Variants in ELAVL1 observed in about 807,000 individuals in gnomAD.
ELAVL1 encodes the protein ELAV-like protein 1.
In ELAVL1, 1 loss-of-function variant was observed where a neutral mutation model predicts 28.4. That is an observed-to-expected ratio of 0.04 (90% CI 0.01 to 0.17). The LOEUF is 0.17. Ranked by LOEUF, ELAVL1 falls within the 10% of genes least tolerant of loss-of-function variation. The pLI, the probability that ELAVL1 is intolerant of heterozygous loss-of-function variation, is 1.00. For missense variants in ELAVL1, 157 were observed against 447.2 expected (o/e 0.35, Z 5.85); for synonymous variants, 174 against 183.5 (o/e 0.95, Z 0.42).
intron 1 of ELAVL1, among the ~76,000 whole-genome samples, chr19:7,997,070 G>T (rs2081052173): frequency 6.6e-6 from 1 of 152,162 alleles, no homozygotes; most frequent in Non-Finnish European, 1.5e-5. Context: ...GGAGAAGCCA[G>T]AATATTCATG....
At chr19:7,970,279 C>T (rs1985070899) in intron 4 of ELAVL1, among the ~76,000 whole-genome samples, 1 of 152,248 alleles carries the variant, frequency 6.6e-6, no homozygotes, top group Non-Finnish European at 1.5e-5. Flanking sequence ...CCTCAGCCTC[C>T]CCAGTAGCTG....
chr19:7,982,876 T>G lies in ELAVL1; in HGVS notation c.173-1690A>C, dbSNP rs1371864677. 1.3e-5 allele frequency among the ~76,000 whole-genome samples: 2 copies of G among 152,114 alleles called. No individual in the cohort carries two copies. Among genetic ancestry groups the G allele is most frequent in the Non-Finnish European group, 1.5e-5 (1 of 68,002 alleles). Reference sequence around the variant, plus strand: ...AGACTCTCGATTGGGTTTGCTGGAGTCTGTCACAGCTGGAGCGCCCTTCTC... The same window carrying G: ...AGACTCTCGATTGGGTTTGCTGGAGGCTGTCACAGCTGGAGCGCCCTTCTC... On this transcript the variant is annotated intron_variant, in intron 2 of 5. Transcript: ENST00000407627. The surrounding 1 kb of genome is among the most constrained non-coding windows in gnomAD (Gnocchi z 4.3).
intron 2 of ELAVL1, among the ~76,000 whole-genome samples, chr19:7,986,150 C>T (rs966676205): frequency 3.9e-5 from 6 of 152,212 alleles, no homozygotes; most frequent in African/African-American, 1.4e-4. Flanking sequence ...CTCCATGCTT[C>T]TTGCAGCTGG....
At chr19:7,974,799 C>T (rs1023596263) in intron 3 of ELAVL1, among the ~76,000 whole-genome samples, 18 of 152,166 alleles carry the variant, frequency 1.2e-4, no homozygotes, top group Non-Finnish European at 1.8e-4. Context: ...GAGACCAGAA[C>T]GCAGGGAGAA....
chr19:7,976,648 C>G (rs953924590), intron 3 of ELAVL1, among the ~76,000 whole-genome samples: 2 of 152,084 alleles, frequency 1.3e-5, no homozygotes, highest in African/African-American at 4.8e-5. Flanking sequence ...TGGTCTCGGG[C>G]TTCCAGCCTC....
chr19:7,973,229 CTTTT>C (rs758693392), intron 4 of ELAVL1: 43 of 139,636 alleles, frequency 3.1e-4, no homozygotes, highest in Non-Finnish European at 4.9e-4. Flanking sequence ...TAATCCCCAG[CTTTT>C]TTTTTTTTTT....
intron 2 of ELAVL1, among the ~76,000 whole-genome samples, chr19:7,991,027 G>A (rs1397465754): frequency 3.3e-5 from 5 of 152,224 alleles, no homozygotes; most frequent in African/African-American, 1.2e-4. Flanking sequence ...GGGACACAAA[G>A]GCTTAGAAGT....
chr19:8,003,174 G>C (rs2081074022), intron 1 of ELAVL1, among the ~76,000 whole-genome samples: 1 of 147,642 alleles, frequency 6.8e-6, no homozygotes, highest in Non-Finnish European at 1.5e-5. Context: ...GATCACCTGA[G>C]GTCAGGAGTT....
At chr19:7,998,629 C>T (rs1023523195) in intron 1 of ELAVL1, among the ~76,000 whole-genome samples, 2 of 152,132 alleles carry the variant, frequency 1.3e-5, no homozygotes, top group African/African-American at 4.8e-5. Flanking sequence ...TCCTTCACTT[C>T]CCAGCTCATT....
At chr19:8,000,034 C>T (rs1036008413) in intron 1 of ELAVL1, among the ~76,000 whole-genome samples, 3 of 152,202 alleles carry the variant, frequency 2.0e-5, no homozygotes, top group Non-Finnish European at 4.4e-5. Flanking sequence ...GCCTTGGCCT[C>T]CCAAAGTGCT....
intron 2 of ELAVL1, among the ~76,000 whole-genome samples, chr19:7,985,830 C>G (rs1985587403): frequency 6.6e-6 from 1 of 152,202 alleles, no homozygotes; most frequent in South Asian, 2.1e-4. Context: ...TCACTTCCCT[C>G]AACTGGAGGA....
chr19:7,996,727 C>T (rs1194512984), intron 1 of ELAVL1, among the ~76,000 whole-genome samples: 2 of 152,030 alleles, frequency 1.3e-5, no homozygotes, highest in African/African-American at 2.4e-5. Flanking sequence ...GCAGGAGAAT[C>T]GCTTGAACCT....
intron 3 of ELAVL1, among the ~76,000 whole-genome samples, chr19:7,980,177 G>A (rs74914816): frequency 2.6e-5 from 4 of 152,282 alleles, no homozygotes; most frequent in South Asian, 2.1e-4. Context: ...AAGCCCTTAC[G>A]TCTGTGGGTA....
At chr19:7,965,356 G>C (rs150879639) in intron 5 of ELAVL1, among the ~76,000 whole-genome samples, 1 of 152,216 alleles carries the variant, frequency 6.6e-6, no homozygotes. Flanking sequence ...GATTACAGGC[G>C]TGAGTCAATG....
Position 7,959,652 on chromosome 19 carries a change from A to G in ELAVL1, c.*3831T>C, listed in dbSNP as rs1328685859. 1 of 152,226 alleles carries G rather than the reference A, an allele frequency of 6.6e-6. No individual in the cohort carries two copies. Among genetic ancestry groups the G allele is most frequent in the Admixed American group, 6.5e-5 (1 of 15,290 alleles). 9.4% of individuals were successfully genotyped at this position (152,226 alleles called of 1,614,324 possible). A position where few individuals can be genotyped will look rare whatever the true frequency, so the allele number is the denominator to read the frequency against. ...CCATTAGAGGTCAGGGGAAATCAAA[A>G]AGGTTTGGAAATGTGAACCCTGCCT... On this transcript the variant is annotated 3_prime_UTR_variant, in exon 6 of 6. Transcript: ENST00000407627.
intron 2 of ELAVL1, among the ~76,000 whole-genome samples, chr19:7,985,277 C>T (rs1349161479): frequency 6.6e-6 from 1 of 152,192 alleles, no homozygotes; most frequent in Non-Finnish European, 1.5e-5. Flanking sequence ...CATGGGGCTT[C>T]CCATGGTTAT....
At chr19:7,973,469 A>T in intron 4 of ELAVL1, 1 of 514,180 alleles carries the variant, frequency 1.9e-6, no homozygotes, top group South Asian at 3.3e-5. Flanking sequence ...TGACCTCGTG[A>T]TCCACCCACC....
At chr19:8,000,230 G>A (rs1268930506) in intron 1 of ELAVL1, among the ~76,000 whole-genome samples, 1 of 152,208 alleles carries the variant, frequency 6.6e-6, no homozygotes, top group Non-Finnish European at 1.5e-5. Flanking sequence ...TGGCCTCTGG[G>A]AGAAGTCTTG....
At chr19:7,984,142 A>C (rs1985538753) in intron 2 of ELAVL1, among the ~76,000 whole-genome samples, 1 of 152,070 alleles carries the variant, frequency 6.6e-6, no homozygotes, top group Admixed American at 6.6e-5. Flanking sequence ...GCTGCCCGTC[A>C]CCTTCCATGG....
Sources: gnomAD v4.1 joint callset for allele counts (sites outside exome capture counted in the v4.1 genomes callset) on GRCh38, gnomAD v4.1.1 for gene constraint, Gnocchi (gnomAD v3.1) non-coding constraint, MANE v1.5 for transcripts, NCBI Gene and HGNC (gene_info 2026-07-23, HGNC 2026-07-21) for gene names.